Variants in MS4A15 observed in about 807,000 individuals in gnomAD.
MS4A15 encodes membrane spanning 4-domains A15, also known as membrane-spanning 4-domains subfamily A member 15.
In MS4A15, 22 loss-of-function variants were observed where a neutral mutation model predicts 20.6. The observed-to-expected ratio is 1.07, with a 90% CI of 0.76 to 1.52. MS4A15 has a LOEUF of 1.52. MS4A15 is among the 40% of genes most tolerant of loss of function. The pLI is 0.00. For missense variants in MS4A15, 312 were observed against 323.0 expected (o/e 0.97, Z 0.26); for synonymous variants, 129 against 129.3 (o/e 1.00, Z 0.02).
chr11:60,759,958 G>A (rs771510734), intron 1 of MS4A15, among the ~76,000 whole-genome samples: 43 of 152,154 alleles, frequency 2.8e-4, no homozygotes, highest in Non-Finnish European at 4.0e-4. Flanking sequence ...CTCGGAGACC[G>A]GCGCCGGTGC....
In MS4A15 at chr11:60,775,587, G is replaced by A. The variant is rs1241419126; in HGVS notation, c.613-18G>A. The A allele has an allele frequency of 6.2e-7, 1 of 1,609,454 alleles. No homozygotes were observed. Among genetic ancestry groups the A allele is most frequent in the South Asian group, 1.1e-5 (1 of 90,960 alleles). ...GCTCCAGCGTCCTCCAGGACGCTCA[G>A]TGCTGTTTTCTTTGCAGCCTGTGAT... On this transcript the variant is annotated intron_variant, in intron 6 of 6. Coordinates refer to ENST00000405633, the MANE Select transcript of MS4A15 (RefSeq NM_001098835.2).
Position 60,773,835 on chromosome 11 carries a change from A to G in MS4A15, c.499-2A>G, listed in dbSNP as rs763188669. ...CACCTTTCTGTGGGTTTTGGTCCCC[A>G]GGATGTGGACAGGGGCTATCTGGCC... On this transcript the variant is annotated splice_acceptor_variant, in intron 5 of 6. Transcript: ENST00000405633. LOFTEE classifies it high-confidence loss of function. 13 of 1,613,400 alleles carry G rather than the reference A, an allele frequency of 8.1e-6. No homozygotes were observed. Among genetic ancestry groups the G allele is most frequent in the Non-Finnish European group, 1.1e-5 (13 of 1,179,332 alleles).
chr11:60,760,138 C>T (rs1853700381), intron 1 of MS4A15, among the ~76,000 whole-genome samples: 1 of 152,236 alleles, frequency 6.6e-6, no homozygotes, highest in Non-Finnish European at 1.5e-5. Flanking sequence ...CACATATTCA[C>T]TCTCATTCTG....
At chr11:60,768,483 C>T (rs916820893) in intron 3 of MS4A15, among the ~76,000 whole-genome samples, 2 of 152,156 alleles carry the variant, frequency 1.3e-5, no homozygotes, top group African/African-American at 2.4e-5. Flanking sequence ...GAGTGTATAC[C>T]GTGAACCTTG....
At chr11:60,760,389 G>A (rs1007829415) in intron 1 of MS4A15, among the ~76,000 whole-genome samples, 8 of 152,178 alleles carry the variant, frequency 5.3e-5, no homozygotes, top group Non-Finnish European at 1.0e-4. Context: ...AGGACTTGGT[G>A]CCAACCCACG....
At chr11:60,764,725 A>G (rs761709811) in intron 2 of MS4A15, among the ~76,000 whole-genome samples, 4 of 152,162 alleles carry the variant, frequency 2.6e-5, no homozygotes, top group Non-Finnish European at 5.9e-5. Flanking sequence ...CCTGGCCAAC[A>G]TGGTGAAACC....
intron 3 of MS4A15, among the ~76,000 whole-genome samples, chr11:60,768,419 G>C (rs189260394): frequency 1.3e-5 from 2 of 152,254 alleles, no homozygotes; most frequent in African/African-American, 4.8e-5. Context: ...CCACTCACCC[G>C]TGCCGGAAAA....
chr11:60,762,275 G>GC (rs1393933707), intron 1 of MS4A15, among the ~76,000 whole-genome samples: 2 of 152,166 alleles, frequency 1.3e-5, no homozygotes, highest in East Asian at 3.8e-4. Context: ...CAGTTGAATG[G>GC]CTGGGGGATC....
Position 60,769,530 on chromosome 11 carries a change from G to A in MS4A15, c.349-1761G>A, listed in dbSNP as rs185847243. 1.3e-4 allele frequency among the ~76,000 whole-genome samples: 20 copies of A among 152,210 alleles called. No individual in the cohort carries two copies. The East Asian group carries it at 3.3e-3, about 25-fold the overall frequency. On this transcript the variant is annotated intron_variant, in intron 3 of 6. Coordinates refer to ENST00000405633, the MANE Select transcript of MS4A15 (RefSeq NM_001098835.2). ...GACTTTCTCATCAATAAGACATCATGCCTGTCTCCAGCCCAGAGAGCCGGA... is the reference window on the plus strand; with the variant it reads ...GACTTTCTCATCAATAAGACATCATACCTGTCTCCAGCCCAGAGAGCCGGA...
intron 1 of MS4A15, 86 bp downstream of exon 1, chr11:60,757,144 C>T (rs1853617724): frequency 6.6e-6 from 1 of 152,162 alleles, no homozygotes; most frequent in Non-Finnish European, 1.5e-5. Flanking sequence ...CAAGAAATGA[C>T]CAAAGAACAG....
intron 1 of MS4A15, among the ~76,000 whole-genome samples, chr11:60,760,130 C>G (rs1002670196): frequency 7.2e-5 from 11 of 152,218 alleles, no homozygotes. Context: ...TTACATCACA[C>G]ATATTCACTC....
intron 6 of MS4A15, among the ~76,000 whole-genome samples, chr11:60,774,520 C>T (rs922486799): frequency 1.3e-5 from 2 of 152,222 alleles, no homozygotes; most frequent in Non-Finnish European, 2.9e-5. Context: ...CTGCTCTGTG[C>T]AGCCCCACAG....
intron 4 of MS4A15, 48 bp from the exon 5 acceptor site, chr11:60,773,344 C>A: frequency 6.6e-7 from 1 of 1,524,208 alleles, no homozygotes; most frequent in Non-Finnish European, 8.9e-7. Flanking sequence ...TGCCTTTTCT[C>A]CTTCTCTTTG....
At chr11:60,764,137 C>G (rs914368271) in intron 2 of MS4A15, among the ~76,000 whole-genome samples, 179 bp downstream of exon 2, 1 of 152,118 alleles carries the variant, frequency 6.6e-6, no homozygotes, top group African/African-American at 2.4e-5. Context: ...AGAGAGTAAA[C>G]CAGTAAACAA....
intron 6 of MS4A15, among the ~76,000 whole-genome samples, chr11:60,774,929 G>A (rs1854148174): frequency 6.6e-6 from 1 of 152,172 alleles, no homozygotes; most frequent in Non-Finnish European, 1.5e-5. Context: ...GTGGACAAGC[G>A]GGGCTCGAGG....
chr11:60,773,324 C>A, intron 4 of MS4A15, 68 bp from the exon 5 acceptor site: 1 of 1,368,046 alleles, frequency 7.3e-7, no homozygotes, highest in Non-Finnish European at 1.0e-6. Context: ...GGCAGCTGAG[C>A]CACAGCCCCT....
Position 60,775,891 on chromosome 11 carries a change from TC to T in MS4A15, c.*180del, listed in dbSNP as rs1024616430. 5.4e-5 allele frequency: 29 copies of T among 540,792 alleles called. No individual in the cohort carries two copies. Among genetic ancestry groups the T allele is most frequent in the Non-Finnish European group, 8.5e-5 (26 of 305,820 alleles). The allele number at this position is 540,792 out of a possible 1,614,324, so 33.5% of individuals were successfully genotyped here. A position where few individuals can be genotyped will look rare whatever the true frequency, so the allele number is the denominator to read the frequency against. ...CCCCAGGGACATCTCTCCCACACTT[TC>T]CCCAGTGCTTTCTTTCTAAAAGACA... is the stretch of plus-strand genomic sequence containing the variant. On this transcript the variant is annotated 3_prime_UTR_variant, in exon 7 of 7. Transcript: ENST00000405633.
At chr11:60,765,339 A>G (rs1014675527) in intron 2 of MS4A15, among the ~76,000 whole-genome samples, 3 of 152,130 alleles carry the variant, frequency 2.0e-5, no homozygotes, top group African/African-American at 7.2e-5. Context: ...ATATACACAC[A>G]TATGTAGATT....
intron 1 of MS4A15, among the ~76,000 whole-genome samples, chr11:60,762,426 CATT>C (rs1853767716): frequency 6.6e-6 from 1 of 152,184 alleles, no homozygotes; most frequent in South Asian, 2.1e-4. Context: ...TTATCACAAT[CATT>C]AGTCTTCTCA....
Sources: allele counts gnomAD v4.1 joint callset (sites outside exome capture counted in the v4.1 genomes callset), GRCh38; gene constraint gnomAD v4.1.1; transcripts MANE v1.5; gene names NCBI Gene and HGNC (gene_info 2026-07-23, HGNC 2026-07-21).